The following FASTKD2 variants were observed in gnomAD, a reference collection of about 807,000 sequenced individuals.
The protein encoded by FASTKD2 is FAST kinase domain-containing protein 2, mitochondrial.
A neutral mutation model predicts 63.6 loss-of-function variants in FASTKD2; 51 were observed. That is an observed-to-expected ratio of 0.80 (90% CI 0.64 to 1.01). The LOEUF (loss-of-function observed/expected upper bound fraction) is 1.01. Among genes scored for constraint, FASTKD2 ranks in the 50% least tolerant of loss-of-function variants. The pLI, the probability that FASTKD2 is intolerant of heterozygous loss-of-function variation, is 0.00. For missense variants in FASTKD2, 786 were observed against 831.1 expected (o/e 0.95, Z 0.67); for synonymous variants, 284 against 293.4 (o/e 0.97, Z 0.33).
chr2:206,793,652 C>T lies in FASTKD2; in HGVS notation c.*1850C>T, dbSNP rs1690358903. 6.6e-6 allele frequency among the ~76,000 whole-genome samples: 1 copy of T among 152,152 alleles called. No homozygotes were observed. Among genetic ancestry groups the T allele is most frequent in the South Asian group, 2.1e-4 (1 of 4,830 alleles). The stretch of plus-strand genomic sequence containing the variant: ...CAGTTTTGAGTGTCTAATTATGACT[C>T]CTCTTCAAAGGATTTGACAAATTTG... On this transcript the variant is annotated 3_prime_UTR_variant, in exon 12 of 12. Transcript: ENST00000402774.
At chr2:206,772,811 G>C (rs1376999405) in intron 6 of FASTKD2, among the ~76,000 whole-genome samples, 2 of 152,144 alleles carry the variant, frequency 1.3e-5, no homozygotes, top group Non-Finnish European at 1.5e-5. Flanking sequence ...GTGAATGTAA[G>C]TGTTCTAAGC....
intron 2 of FASTKD2, among the ~76,000 whole-genome samples, chr2:206,767,822 A>T (rs1225025301): frequency 1.3e-5 from 2 of 152,220 alleles, no homozygotes; most frequent in Non-Finnish European, 2.9e-5. Context: ...GTAGAATTGG[A>T]ATTCAGGCCC....
rs1238489737 is a variant in FASTKD2 at position 206,795,469 on chromosome 2, C to G, written c.*3667C>G. On this transcript the variant is annotated 3_prime_UTR_variant, in exon 12 of 12. Coordinates refer to ENST00000402774, the MANE Select transcript of FASTKD2 (RefSeq NM_001136193.2). ...GGATGGTCTCGATCTCCTGACCTTG[C>G]GATCTGCCCGCCTTTGGCCTTCCAA... Among the ~76,000 whole-genome samples the G allele has an allele frequency of 6.6e-6, 1 of 152,140 alleles. No homozygotes were observed. The highest frequency in any genetic ancestry group is 1.5e-5 in the Non-Finnish European group (1 of 68,028).
Position 206,772,033 on chromosome 2 carries a change from C to A in FASTKD2, c.1114+16C>A. The A allele has an allele frequency of 6.2e-7, 1 of 1,613,346 alleles. No individual in the cohort carries two copies. Among genetic ancestry groups the A allele is most frequent in the South Asian group, 1.1e-5 (1 of 91,056 alleles). The stretch of plus-strand genomic sequence containing the variant: ...GTGGTCCTAGGTAAGAGGAATTTTT[C>A]TTTCATCATTTGCAATACCTGAGCT... On this transcript the variant is annotated intron_variant, in intron 5 of 11. Transcript: ENST00000402774.
intron 1 of FASTKD2, among the ~76,000 whole-genome samples, chr2:206,766,429 A>G (rs942568113): frequency 1.3e-5 from 2 of 152,134 alleles, no homozygotes; most frequent in African/African-American, 4.8e-5. Flanking sequence ...CATTAATACA[A>G]TGACTACTTC....
Position 206,766,723 on chromosome 2 carries a change from T to C in FASTKD2, c.30T>C (p.Ser10=). Reference sequence around the variant, plus strand: ...TGACAACTTTGAAGCCATTTGGAAGTGTTTCAGTGGAGAGCAAAATGAATA... The same window carrying C: ...TGACAACTTTGAAGCCATTTGGAAGCGTTTCAGTGGAGAGCAAAATGAATA... MLTTLKPFG[S]VSVESKMNNK... The change falls in exon 2 of 12, where the codon AGT becomes AGC. Residue 10 remains serine (S), a synonymous_variant. Coordinates refer to ENST00000402774, the MANE Select transcript of FASTKD2 (RefSeq NM_001136193.2). 6.2e-7 allele frequency: 1 copy of C among 1,614,160 alleles called. No individual in the cohort carries two copies. Among genetic ancestry groups the C allele is most frequent in the Non-Finnish European group, 8.5e-7 (1 of 1,180,022 alleles).
rs932530898 is a variant in FASTKD2 at position 206,795,239 on chromosome 2, C to CT, written c.*3446dup. On this transcript the variant is annotated 3_prime_UTR_variant, in exon 12 of 12. Transcript: ENST00000402774. ...CCCAGAAGGCAGGAGATGGCTATCT[C>CT]TTTTTTTTTCCTGAGACGGAGTCGT... Among the ~76,000 whole-genome samples the CT allele has an allele frequency of 9.9e-5, 15 of 151,600 alleles. No individual in the cohort carries two copies. The highest frequency in any genetic ancestry group is 1.9e-4 in the East Asian group (1 of 5,168).
chr2:206,781,304 A>ATTTTTTTTTTTTTTTTTTTT, intron 7 of FASTKD2, among the ~76,000 whole-genome samples: 1 of 75,938 alleles, frequency 1.3e-5, no homozygotes, highest in Non-Finnish European at 2.6e-5. Context: ...TTTTTCTATG[A>ATTTTTTTTTTTTTTTTTTTT]TTTTTTTTTT....
intron 1 of FASTKD2, among the ~76,000 whole-genome samples, chr2:206,766,259 CAAAAAAAAAAA>C (rs60933510): frequency 3.2e-4 from 18 of 55,976 alleles, no homozygotes; most frequent in Non-Finnish European, 4.1e-4. Flanking sequence ...GACTTTGTCT[CAAAAAAAAAAA>C]AAAAAAAAAA....
At chr2:206,789,378 T>G (rs1383780515) in intron 10 of FASTKD2, 3 of 157,996 alleles carry the variant, frequency 1.9e-5, no homozygotes, top group Non-Finnish European at 4.2e-5. Context: ...TTGAAGCTAA[T>G]CCTAAGTTGT....
chr2:206,784,626 T>G (rs888621), intron 7 of FASTKD2, among the ~76,000 whole-genome samples: 37,714 of 152,020 alleles, frequency 0.25, 5,631 homozygotes, highest in East Asian at 0.71. Context: ...CTGTGGTCAT[T>G]AGTGTGCTCC....
At chr2:206,769,025 A>T (rs189503457) in intron 2 of FASTKD2, among the ~76,000 whole-genome samples, 1 of 152,332 alleles carries the variant, frequency 6.6e-6, no homozygotes, top group African/African-American at 2.4e-5. Context: ...TTGCATCGGG[A>T]TGACATCTGT....
chr2:206,789,786 G>A (rs913129691), intron 10 of FASTKD2: 14 of 152,200 alleles, frequency 9.2e-5, no homozygotes, highest in African/African-American at 3.4e-4. Flanking sequence ...CCTCAGAAGA[G>A]GCTTTCTCTC....
intron 1 of FASTKD2, 30 bp from the exon 2 acceptor site, chr2:206,766,614 T>G: frequency 8.0e-7 from 1 of 1,243,046 alleles, no homozygotes; most frequent in Non-Finnish European, 1.2e-6. Context: ...GTTTTAATTT[T>G]TATTCTTTTC....
At position 206,794,290 on chromosome 2, in the gene FASTKD2, T is replaced by G. The variant is rs6435351; in HGVS notation, c.*2488T>G. 1.2e-4 allele frequency among the ~76,000 whole-genome samples: 19 copies of G among 152,174 alleles called. No individual in the cohort carries two copies. The highest frequency in any genetic ancestry group is 4.6e-4 in the African/African-American group (19 of 41,412). On this transcript the variant is annotated 3_prime_UTR_variant, in exon 12 of 12. Transcript: ENST00000402774. ...TATTAAATGCTCATTTTGTGTGAGA[T>G]ATCCAAATATTTTTTTCAGAATCCC...
At chr2:206,771,098 A>G (rs1485639103) in intron 3 of FASTKD2, 84 bp from the exon 4 acceptor site, 2 of 800,898 alleles carry the variant, frequency 2.5e-6, no homozygotes, top group African/African-American at 3.4e-5. Context: ...GCCTGTAAGA[A>G]GGGGCTGGAC....
chr2:206,786,439 A>G (rs1690140251), intron 7 of FASTKD2, among the ~76,000 whole-genome samples: 1 of 152,168 alleles, frequency 6.6e-6, no homozygotes, highest in African/African-American at 2.4e-5. Flanking sequence ...AAGTTACTCA[A>G]TCTCTAAGCC....
At chr2:206,781,274 A>G (rs943353364) in intron 7 of FASTKD2, among the ~76,000 whole-genome samples, 4 of 135,604 alleles carry the variant, frequency 2.9e-5, no homozygotes, top group Non-Finnish European at 6.3e-5. Flanking sequence ...TTAGCCAGAG[A>G]TTCTGGGGGC....
Position 206,772,254 on chromosome 2 carries a change from T to C in FASTKD2, c.1188T>C (p.Asn396=). 6.2e-7 allele frequency: 1 copy of C among 1,613,910 alleles called. No individual in the cohort carries two copies. The change falls in exon 6 of 12, where the codon AAT becomes AAC. Residue 396 remains asparagine (N), a synonymous_variant. Coordinates refer to ENST00000402774, the MANE Select transcript of FASTKD2 (RefSeq NM_001136193.2). ...CCTGCAAAGACCTCCAGTACCATAA[T>C]TTGGATCTCTTCAAGGGACTTGCAG... ...LQSCKDLQYH[N]LDLFKGLADY...
Sources: gnomAD v4.1 joint callset for allele counts (sites outside exome capture counted in the v4.1 genomes callset) on GRCh38, gnomAD v4.1.1 for gene constraint, MANE v1.5 for transcripts, NCBI Gene and HGNC (gene_info 2026-07-23, HGNC 2026-07-21) for gene names.